The following MGMT variants were observed in gnomAD, a reference collection of about 807,000 sequenced individuals.
The protein encoded by MGMT is O-6-methylguanine-DNA methyltransferase, also known as methylated-DNA--protein-cysteine methyltransferase.
A neutral mutation model predicts 15.9 loss-of-function variants in MGMT; 14 were observed. That is an observed-to-expected ratio of 0.88 (90% CI 0.58 to 1.37). The LOEUF is 1.37. MGMT is among the 40% of genes most tolerant of loss of function. The pLI is 0.00. For missense variants in MGMT, 282 were observed against 268.1 expected (o/e 1.05, Z -0.36); for synonymous variants, 130 against 118.2 (o/e 1.10, Z -0.65).
chr10:129,571,103 A>G (rs758666862), intron 2 of MGMT, among the ~76,000 whole-genome samples: 5 of 152,192 alleles, frequency 3.3e-5, no homozygotes, highest in African/African-American at 4.8e-5. Flanking sequence ...CACACACCAC[A>G]CAAAGTTTCT....
At position 129,766,791 on chromosome 10, in the gene MGMT, C is replaced by A. The variant is rs1345686595; in HGVS notation, c.418C>A (p.Pro140Thr). Reference protein sequence around the residue: ...VGGAMRGNPVPILIPCHRVVC... With the variant: ...VGGAMRGNPVTILIPCHRVVC... ...TGGCTGCCCCCCTGTCTTCCAGGTC[C>A]CCATCCTCATCCCGTGCCACAGAGT... The change falls in exon 5 of 5, where the codon CCC (proline) becomes ACC (threonine). Residue 140 changes from proline (P) to threonine (T), a missense_variant. Physicochemically the swap from Pro to Thr is conservative, Grantham distance 38 (BLOSUM62 -1). Transcript: ENST00000651593. 6.2e-7 allele frequency: 1 copy of A among 1,612,084 alleles called. No homozygotes were observed.
intron 3 of MGMT, among the ~76,000 whole-genome samples, chr10:129,718,350 G>A (rs917518509): frequency 2.6e-5 from 4 of 152,164 alleles, no homozygotes; most frequent in South Asian, 2.1e-4. Context: ...CCGTCTGATC[G>A]TATAGTTAGG....
At position 129,642,084 on chromosome 10, in the gene MGMT, A is replaced by G. The variant is rs113892408; in HGVS notation, c.126-65811A>G. On this transcript the variant is annotated intron_variant, in intron 2 of 4. Transcript: ENST00000651593. ...CACAGAGAACCCTTGTTGGACAGCA[A>G]CAGAACTTGCTCACAGTGAGACCCG... Among the ~76,000 whole-genome samples, 749 of 152,326 alleles carry G rather than the reference A, an allele frequency of 4.9e-3. 5 individuals are homozygous for G. The highest frequency in any genetic ancestry group is 0.017 in the African/African-American group (711 of 41,576).
intron 3 of MGMT, among the ~76,000 whole-genome samples, chr10:129,708,673 C>T (rs1387434179): frequency 1.3e-5 from 2 of 152,184 alleles, no homozygotes; most frequent in Non-Finnish European, 2.9e-5. Context: ...ATTACAGCAA[C>T]TAAAATCATT....
At chr10:129,737,482 C>T (rs1848577302) in intron 3 of MGMT, among the ~76,000 whole-genome samples, 1 of 152,090 alleles carries the variant, frequency 6.6e-6, no homozygotes, top group Non-Finnish European at 1.5e-5. Context: ...TTTTCAACTT[C>T]TTTGCCTTTG....
chr10:129,764,849 G>C (rs984514603), intron 4 of MGMT, among the ~76,000 whole-genome samples: 1 of 152,156 alleles, frequency 6.6e-6, no homozygotes, highest in Non-Finnish European at 1.5e-5. Flanking sequence ...CCAGGGAGAG[G>C]CCCCGGGTCT....
At chr10:129,759,129 A>G (rs1183926285) in intron 3 of MGMT, 73 bp from the exon 4 acceptor site, 1 of 1,553,662 alleles carries the variant, frequency 6.4e-7, no homozygotes, top group East Asian at 2.3e-5. Flanking sequence ...CTGTTTTGGG[A>G]CTAGTGGCTA....
intron 2 of MGMT, among the ~76,000 whole-genome samples, chr10:129,613,410 G>A (rs912710018): frequency 1.3e-5 from 2 of 152,146 alleles, no homozygotes; most frequent in Non-Finnish European, 1.5e-5. Flanking sequence ...GATTTGGGCC[G>A]GAAGGAAATG....
rs139544125 is a variant in MGMT at position 129,510,949 on chromosome 10, C to G, written c.-12-25292C>G. Among the ~76,000 whole-genome samples, 237 of 148,112 alleles carry G rather than the reference C, an allele frequency of 1.6e-3. 2 individuals are homozygous for G. Among genetic ancestry groups the G allele is most frequent in the South Asian group, 0.011 (51 of 4,632 alleles). On this transcript the variant is annotated intron_variant, in intron 1 of 4. Transcript: ENST00000651593. Reference sequence around the variant, plus strand: ...TTCCTGTGATGGGAACCTGGTATACCAGATGCAGCCACGTGCTTTCCGTGA... The same window carrying G: ...TTCCTGTGATGGGAACCTGGTATACGAGATGCAGCCACGTGCTTTCCGTGA...
At chr10:129,630,709 T>C (rs146211281) in intron 2 of MGMT, among the ~76,000 whole-genome samples, 47 of 152,322 alleles carry the variant, frequency 3.1e-4, no homozygotes, top group African/African-American at 9.4e-4. Context: ...CTCAAGGTGT[T>C]GTGATCAGTA....
intron 2 of MGMT, among the ~76,000 whole-genome samples, chr10:129,564,947 C>T (rs970862437): frequency 2.0e-5 from 3 of 152,186 alleles, no homozygotes; most frequent in African/African-American, 7.2e-5. Flanking sequence ...TGGCGGATGG[C>T]GCCATAAACA....
chr10:129,664,703 A>T lies in MGMT; in HGVS notation c.126-43192A>T, dbSNP rs909741298. ...ACAAAAGGAGCCTAGAACAAGAAGA[A>T]TGATAAGCAGGATGAGAAGGAAGAA... is the stretch of plus-strand genomic sequence containing the variant. On this transcript the variant is annotated intron_variant, in intron 2 of 4. Coordinates refer to ENST00000651593, the MANE Select transcript of MGMT (RefSeq NM_002412.5). Among the ~76,000 whole-genome samples the T allele has an allele frequency of 2.6e-5, 4 of 152,364 alleles. No homozygotes were observed. In the East Asian group the frequency reaches 7.7e-4, roughly 29 times the overall value.
chr10:129,590,689 A>T (rs941755287), intron 2 of MGMT, among the ~76,000 whole-genome samples: 3 of 152,366 alleles, frequency 2.0e-5, no homozygotes, highest in Middle Eastern at 3.4e-3. Context: ...AAAAATTCTG[A>T]TATCAGCATT....
intron 3 of MGMT, among the ~76,000 whole-genome samples, chr10:129,742,722 C>A (rs1394758801): frequency 6.7e-6 from 1 of 150,304 alleles, no homozygotes; most frequent in African/African-American, 2.5e-5. Context: ...TTCAGCAGTG[C>A]CCCACTACCA....
chr10:129,677,662 C>G (rs1000126386), intron 2 of MGMT, among the ~76,000 whole-genome samples: 9 of 152,250 alleles, frequency 5.9e-5, no homozygotes, highest in Non-Finnish European at 1.3e-4. Context: ...CGTCCCTGCT[C>G]TAACACTAGT....
chr10:129,527,755 G>C (rs74447381), intron 1 of MGMT, among the ~76,000 whole-genome samples: 1 of 140,252 alleles, frequency 7.1e-6, no homozygotes, highest in Non-Finnish European at 1.5e-5. Flanking sequence ...GTTCTCCCTC[G>C]TTTCTCCGAC....
rs1365265134 is a variant in MGMT, at chr10:129,770,736, T to C, written c.*3739T>C. 6.6e-6 allele frequency among the ~76,000 whole-genome samples: 1 copy of C among 152,216 alleles called. No individual in the cohort carries two copies. The highest frequency in any genetic ancestry group is 1.5e-5 in the Non-Finnish European group (1 of 68,042). ...AGTGTTTTATTTTACTAGGAAGATT[T>C]TACTGAAAGACCAATCCCGAAACGG... On this transcript the variant is annotated 3_prime_UTR_variant, in exon 5 of 5. Transcript: ENST00000651593.
intron 2 of MGMT, among the ~76,000 whole-genome samples, chr10:129,615,400 G>A (rs112354757): frequency 6.6e-6 from 1 of 152,050 alleles, no homozygotes; most frequent in African/African-American, 2.4e-5. Context: ...GTAGGGGTGA[G>A]GGTGGTTATT....
At chr10:129,577,017 T>C (rs529201719) in intron 2 of MGMT, among the ~76,000 whole-genome samples, 2 of 152,198 alleles carry the variant, frequency 1.3e-5, no homozygotes, top group East Asian at 3.9e-4. Flanking sequence ...TACAAACCAC[T>C]GCTCAATGAA....
Sources: gnomAD v4.1 joint callset for allele counts (sites outside exome capture counted in the v4.1 genomes callset) on GRCh38, gnomAD v4.1.1 for gene constraint, MANE v1.5 for transcripts, NCBI Gene and HGNC (gene_info 2026-07-23, HGNC 2026-07-21) for gene names.